The following SCNN1B variants were observed in gnomAD, a reference collection of about 807,000 sequenced individuals.
The protein encoded by SCNN1B is sodium channel epithelial 1 subunit beta, also known as epithelial sodium channel subunit beta.
Under a neutral mutation model 65.3 loss-of-function variants are expected in SCNN1B, and 46 were observed. The ratio of observed to expected loss-of-function variants is 0.70; its 90% confidence interval spans 0.56 to 0.90. The LOEUF (loss-of-function observed/expected upper bound fraction) is 0.90. SCNN1B is among the 40% of genes least tolerant of loss of function. The pLI is 0.00. For synonymous variants in SCNN1B, 349 were observed against 330.6 expected (o/e 1.06, Z -0.60); for missense variants, 751 against 830.5 (o/e 0.90, Z 1.18).
At chr16:23,320,073 A>T (rs1034734257) in intron 1 of SCNN1B, among the ~76,000 whole-genome samples, 4 of 152,142 alleles carry the variant, frequency 2.6e-5, no homozygotes, top group Admixed American at 2.6e-4. Flanking sequence ...CATGCGCATG[A>T]GTCACTAGGG....
intron 1 of SCNN1B, among the ~76,000 whole-genome samples, chr16:23,302,698 C>G (rs569406424): frequency 1.3e-5 from 2 of 152,168 alleles, no homozygotes; most frequent in Admixed American, 1.3e-4. Flanking sequence ...CCCGGCGTGT[C>G]TGGGACCTCA....
intron 2 of SCNN1B, among the ~76,000 whole-genome samples, chr16:23,292,532 C>A (rs1452409525): frequency 2.0e-5 from 3 of 151,506 alleles, no homozygotes; most frequent in African/African-American, 7.3e-5. Context: ...GAGACACGGT[C>A]TCACTCTGTT....
Position 23,348,537 on chromosome 16 carries a change from C to T in SCNN1B, c.-8-55C>T. 6.3e-7 allele frequency: 1 copy of T among 1,582,490 alleles called. No individual in the cohort carries two copies. Among genetic ancestry groups the T allele is most frequent in the Non-Finnish European group, 8.6e-7 (1 of 1,157,488 alleles). On this transcript the variant is annotated intron_variant, in intron 1 of 12. Coordinates refer to ENST00000343070, the MANE Select transcript of SCNN1B (RefSeq NM_000336.3). This position sits in a 1 kb window ranked among gnomAD's most constrained non-coding sequence, Gnocchi z 4.5. ...CAGTTCCTGGACGTGACTGGGACAT[C>T]CTCGCAGGCAAGGCTGGTGTCCCAG...
At chr16:23,298,818 C>CAG, upstream of SCNN1B, among the ~76,000 whole-genome samples, 1 of 152,164 alleles carries the variant, frequency 6.6e-6, no homozygotes, top group African/African-American at 2.4e-5. Flanking sequence ...ACTTGCCAGC[C>CAG]TAACATCAAC....
intron 7 of SCNN1B, chr16:23,372,333 T>C (rs1028602358): frequency 3.9e-6 from 1 of 255,536 alleles, no homozygotes; most frequent in Admixed American, 4.8e-5. Flanking sequence ...GGTTACCATG[T>C]GTTAGGCAGT....
upstream of SCNN1B, among the ~76,000 whole-genome samples, chr16:23,301,154 A>G (rs985007699): frequency 3.3e-5 from 5 of 152,092 alleles, no homozygotes; most frequent in Non-Finnish European, 5.9e-5. Context: ...ACTTGAGTCC[A>G]GGAGTTCCAG....
chr16:23,364,333 T>A (rs1457261592), intron 4 of SCNN1B, among the ~76,000 whole-genome samples: 3 of 152,070 alleles, frequency 2.0e-5, no homozygotes, highest in Non-Finnish European at 4.4e-5. Context: ...AGCTGAAGGA[T>A]GGGGAGAAGC....
At chr16:23,333,646 A>G (rs990503460) in intron 1 of SCNN1B, among the ~76,000 whole-genome samples, 4 of 152,312 alleles carry the variant, frequency 2.6e-5, no homozygotes, top group Admixed American at 1.3e-4. Context: ...TAGAAGGCAC[A>G]GGTACTATTA....
chr16:23,346,200 CTTTTTTTTTTTTTTTTTT>C (rs753802362), intron 1 of SCNN1B, among the ~76,000 whole-genome samples: 1 of 78,018 alleles, frequency 1.3e-5, no homozygotes, highest in Admixed American at 1.5e-4. Flanking sequence ...TTTTCCTTTT[CTTTTTTTTTTTTTTTTTT>C]TTTTTTTTTT....
rs797007269 is a variant in SCNN1B, at chr16:23,343,318, G to A, written c.-8-5274G>A. Among the ~76,000 whole-genome samples the A allele has an allele frequency of 1.9e-4, 29 of 151,966 alleles. 1 individual carries two copies. Among genetic ancestry groups the A allele is most frequent in the African/African-American group, 6.8e-4 (28 of 41,424 alleles). On this transcript the variant is annotated intron_variant, in intron 1 of 12. Coordinates refer to ENST00000343070, the MANE Select transcript of SCNN1B (RefSeq NM_000336.3). ...TAATACAAAATTAGCCGGGCGTGGT[G>A]GTGCATGCCTGTAATCCTAGCTACT...
chr16:23,318,992 G>A (rs1244305442), intron 1 of SCNN1B, among the ~76,000 whole-genome samples: 1 of 152,156 alleles, frequency 6.6e-6, no homozygotes. Flanking sequence ...CACCAGGAAG[G>A]AGGAGGAGTC....
chr16:23,286,698 G>A (rs1960855291), intron 2 of SCNN1B, among the ~76,000 whole-genome samples: 2 of 152,340 alleles, frequency 1.3e-5, no homozygotes, highest in South Asian at 4.1e-4. Flanking sequence ...CTACCAGCAA[G>A]ACAATGGTCC....
At chr16:23,298,399 A>T (rs1487758131), upstream of SCNN1B, among the ~76,000 whole-genome samples, 1 of 152,224 alleles carries the variant, frequency 6.6e-6, no homozygotes, top group African/African-American at 2.4e-5. Flanking sequence ...CATGACGGCC[A>T]GAGCAGCCTA....
chr16:23,380,270 G>A lies in SCNN1B; in HGVS notation c.1542+101G>A. 1 of 1,494,406 alleles carries A rather than the reference G, an allele frequency of 6.7e-7. No individual in the cohort carries two copies. Among genetic ancestry groups the A allele is most frequent in the African/African-American group, 1.4e-5 (1 of 72,650 alleles). The allele number at this position is 1,494,406 out of a possible 1,614,324, so 92.6% of individuals were successfully genotyped here. A position where few individuals can be genotyped will look rare whatever the true frequency, so the allele number is the denominator to read the frequency against. On this transcript the variant is annotated intron_variant, in intron 12 of 12. Coordinates refer to ENST00000343070, the MANE Select transcript of SCNN1B (RefSeq NM_000336.3). This position sits in a 1 kb window ranked among gnomAD's most constrained non-coding sequence, Gnocchi z 5.4. ...CTGAGCCCTATGAAGGAATTAGGAA[G>A]ATCCCTAAGACAGTCCCAAGTTATT...
chr16:23,300,540 G>T (rs571790597), upstream of SCNN1B, among the ~76,000 whole-genome samples: 214 of 145,864 alleles, frequency 1.5e-3, no homozygotes, highest in African/African-American at 4.7e-3. Context: ...TTTTTTTTTT[G>T]AAAAATATTT....
At chr16:23,290,627 C>T (rs1960909387) in intron 2 of SCNN1B, among the ~76,000 whole-genome samples, 1 of 152,176 alleles carries the variant, frequency 6.6e-6, no homozygotes, top group South Asian at 2.1e-4. Context: ...CTTTTAAGGC[C>T]CCATAACTGT....
chr16:23,380,243 T>C lies in SCNN1B; in HGVS notation c.1542+74T>C. ...CTGCACCCTGAGGGTGGGGGAAGGG[T>C]TCTGAGCCCTATGAAGGAATTAGGA... On this transcript the variant is annotated intron_variant, in intron 12 of 12. Transcript: ENST00000343070. This position sits in a 1 kb window ranked among gnomAD's most constrained non-coding sequence, Gnocchi z 5.4. 6.6e-7 allele frequency: 1 copy of C among 1,507,274 alleles called. No individual in the cohort carries two copies. Among genetic ancestry groups the C allele is most frequent in the Non-Finnish European group, 9.2e-7 (1 of 1,083,326 alleles). The allele number at this position is 1,507,274 out of a possible 1,614,324, so 93.4% of individuals were successfully genotyped here. A position where few individuals can be genotyped will look rare whatever the true frequency, so the allele number is the denominator to read the frequency against.
chr16:23,312,802 G>A (rs1305873961), intron 1 of SCNN1B, among the ~76,000 whole-genome samples: 1 of 152,140 alleles, frequency 6.6e-6, no homozygotes, highest in African/African-American at 2.4e-5. Flanking sequence ...CCAGATGATA[G>A]AGAGTGGCGC....
chr16:23,380,127 A>G lies in SCNN1B; in HGVS notation c.1500A>G (p.Gln500=). 1.2e-6 allele frequency: 2 copies of G among 1,614,156 alleles called. No homozygotes were observed. The highest frequency in any genetic ancestry group is 1.7e-6 in the Non-Finnish European group (2 of 1,180,020). ...TTGTCAAGCTCAACATCTACTTCCA[A>G]GAATTTAACTATCGCACCATTGAAG... ...KGIVKLNIYF[Q]EFNYRTIEES... is the part of the protein sequence containing the mutation. Residue 500 remains glutamine, a synonymous_variant, in exon 12 of 13, where the codon CAA becomes CAG. Transcript: ENST00000343070. The surrounding 1 kb of genome is among the most constrained non-coding windows in gnomAD (Gnocchi z 5.4).
Sources: allele counts gnomAD v4.1 joint callset (sites outside exome capture counted in the v4.1 genomes callset), GRCh38; gene constraint gnomAD v4.1.1; non-coding constraint Gnocchi (gnomAD v3.1); transcripts MANE v1.5; gene names NCBI Gene and HGNC (gene_info 2026-07-23, HGNC 2026-07-21).